Variants in CMC2 observed in about 807,000 individuals in gnomAD.
The protein encoded by CMC2 is C-X9-C motif containing 2.
A neutral mutation model predicts 7.5 loss-of-function variants in CMC2; 5 were observed. That is an observed-to-expected ratio of 0.66 (90% CI 0.35 to 1.40). The LOEUF (loss-of-function observed/expected upper bound fraction) is 1.40. CMC2 is among the 40% of genes most tolerant of loss of function. The pLI is 0.04. For synonymous variants in CMC2, 37 were observed against 31.4 expected (o/e 1.18, Z -0.60); for missense variants, 115 against 92.3 (o/e 1.25, Z -1.01).
At chr16:80,992,718 T>TG (rs374973655) in intron 2 of CMC2, among the ~76,000 whole-genome samples, 77,209 of 135,826 alleles carry the variant, frequency 0.57, 20,793 homozygotes, top group Middle Eastern at 0.73. Flanking sequence ...TTTTTTTTTT[T>TG]TTTTGTGTAA....
intron 3 of CMC2, among the ~76,000 whole-genome samples, chr16:80,980,212 G>A (rs926383218): frequency 2.0e-5 from 3 of 152,166 alleles, no homozygotes; most frequent in African/African-American, 4.8e-5. Flanking sequence ...CAGCTCACAA[G>A]TTTACTATTA....
At chr16:80,985,600 T>C (rs1289282701) in intron 2 of CMC2, among the ~76,000 whole-genome samples, 1 of 152,028 alleles carries the variant, frequency 6.6e-6, no homozygotes, top group African/African-American at 2.4e-5. Flanking sequence ...ACATAAACAA[T>C]AGCTCCCTAG....
intron 1 of CMC2, 25 bp downstream of exon 1, chr16:81,006,709 A>C (rs1168047864): frequency 5.1e-6 from 5 of 985,420 alleles, no homozygotes. Context: ...ACGCGTTCGG[A>C]ACGGCCTGGA....
chr16:80,995,426 C>T (rs558003171), intron 2 of CMC2, among the ~76,000 whole-genome samples: 5 of 152,162 alleles, frequency 3.3e-5, no homozygotes, highest in African/African-American at 1.2e-4. Context: ...GAGGCCGAGG[C>T]GGGAGGATCA....
chr16:80,972,228 T>C lies in CMC2; in HGVS notation c.*3865A>G, dbSNP rs930067688. The C allele has an allele frequency of 3.9e-5, 6 of 152,210 alleles. No individual in the cohort carries two copies. The highest frequency in any genetic ancestry group is 1.4e-4 in the African/African-American group (6 of 41,444). 9.4% of individuals were successfully genotyped at this position (152,210 alleles called of 1,614,324 possible). On this transcript the variant is annotated 3_prime_UTR_variant, in exon 4 of 4. Transcript: ENST00000219400. ...TCTCTAGAGGAGGCAGGGATGTCTA[T>C]GGATTAAGGTAGATTCTGGTATAGC... is the stretch of plus-strand genomic sequence containing the variant.
At chr16:80,993,401 C>T (rs1311475503) in intron 2 of CMC2, among the ~76,000 whole-genome samples, 1 of 152,126 alleles carries the variant, frequency 6.6e-6, no homozygotes, top group African/African-American at 2.4e-5. Flanking sequence ...CAGAGGAATT[C>T]GGGCAGGCTG....
chr16:80,979,461 G>C (rs1164602199), intron 3 of CMC2, among the ~76,000 whole-genome samples: 2 of 151,610 alleles, frequency 1.3e-5, no homozygotes, highest in African/African-American at 4.9e-5. Context: ...CAAAGCAGTG[G>C]CAAAATTTCT....
chr16:80,975,498 C>A lies in CMC2; in HGVS notation c.*595G>T, dbSNP rs1158039084. 6.7e-6 allele frequency: 1 copy of A among 149,780 alleles called. No homozygotes were observed. The allele number at this position is 149,780 out of a possible 1,614,324, so 9.3% of individuals were successfully genotyped here. On this transcript the variant is annotated 3_prime_UTR_variant, in exon 4 of 4. Transcript: ENST00000219400. Reference sequence around the variant, plus strand: ...GCATGGTAGCCTGCGCCTGTAGCCCCAGCTACTAGAGAGGCTGAGGCTGGA... The same window carrying A: ...GCATGGTAGCCTGCGCCTGTAGCCCAAGCTACTAGAGAGGCTGAGGCTGGA...
At chr16:81,005,760 G>T (rs973823115) in intron 1 of CMC2, among the ~76,000 whole-genome samples, 6 of 152,204 alleles carry the variant, frequency 3.9e-5, no homozygotes, top group African/African-American at 1.4e-4. Context: ...AGCTTTCCCT[G>T]AATAAACATT....
chr16:80,981,141 C>T (rs949859496), intron 3 of CMC2, among the ~76,000 whole-genome samples: 2 of 150,244 alleles, frequency 1.3e-5, no homozygotes, highest in Admixed American at 1.3e-4. Context: ...TTTTAGCCAT[C>T]ATATATTTTT....
In CMC2 at chr16:80,974,682, C is replaced by CT. The variant is rs1487224890; in HGVS notation, c.*1410dup. 3.3e-5 allele frequency: 5 copies of CT among 152,330 alleles called. No homozygotes were observed. The East Asian group carries it at 9.6e-4, about 29-fold the overall frequency. 9.4% of individuals were successfully genotyped at this position (152,330 alleles called of 1,614,324 possible). A position where few individuals can be genotyped will look rare whatever the true frequency, so the allele number is the denominator to read the frequency against. ...CTATGACATCTACCTAATCATGGCA[C>CT]TTTGATGATTACAGGTGACTAAAAG... On this transcript the variant is annotated 3_prime_UTR_variant, in exon 4 of 4. Transcript: ENST00000219400.
At position 80,981,330 on chromosome 16, in the gene CMC2, GTGT is replaced by G. The variant is rs1967096500; in HGVS notation, c.153+473_153+475del. ...CTAAAATCAAGTTCAGGAGATGACA[GTGT>G]TCCAAAACAAGTCAAATTAGATCCC... On this transcript the variant is annotated intron_variant, in intron 3 of 3. Transcript: ENST00000219400. Among the ~76,000 whole-genome samples, 3 of 152,300 alleles carry G rather than the reference GTGT, an allele frequency of 2.0e-5. No homozygotes were observed. In the East Asian group the frequency reaches 5.8e-4, roughly 29 times the overall value.
In CMC2 at chr16:80,991,582, A is replaced by G. The variant is rs867248468; in HGVS notation, c.81+5732T>C. Among the ~76,000 whole-genome samples, 6 of 152,162 alleles carry G rather than the reference A, an allele frequency of 3.9e-5. No individual in the cohort carries two copies. In the South Asian group the frequency reaches 8.3e-4, roughly 21 times the overall value. On this transcript the variant is annotated intron_variant, in intron 2 of 3. Coordinates refer to ENST00000219400, the MANE Select transcript of CMC2 (RefSeq NM_020188.5). The stretch of plus-strand genomic sequence containing the variant: ...CCCAGGCCCAGGAGGTTGAAGCTGC[A>G]GTAAGCCAAAATGACACTACTGCAC...
At position 80,970,200 on chromosome 16, in the gene CMC2, C is replaced by T. The variant is rs1303600885; in HGVS notation, c.*5893G>A. On this transcript the variant is annotated 3_prime_UTR_variant, in exon 4 of 4. Transcript: ENST00000219400. ...GCGGCTACAGTTGCAGGCTCTATAA[C>T]CCCACCATTTCTGCTCTGATCCATA... 6.6e-6 allele frequency: 1 copy of T among 152,136 alleles called. No individual in the cohort carries two copies. The highest frequency in any genetic ancestry group is 1.5e-5 in the Non-Finnish European group (1 of 68,028). The allele number at this position is 152,136 out of a possible 1,614,324, so 9.4% of individuals were successfully genotyped here. A position where few individuals can be genotyped will look rare whatever the true frequency, so the allele number is the denominator to read the frequency against.
chr16:81,000,158 A>G (rs1968747792), intron 1 of CMC2, among the ~76,000 whole-genome samples: 2 of 152,226 alleles, frequency 1.3e-5, no homozygotes, highest in South Asian at 2.1e-4. Flanking sequence ...TCCAGAATCT[A>G]TAAAGAAATT....
chr16:81,001,353 T>C (rs564710189), intron 1 of CMC2: 1 of 152,278 alleles, frequency 6.6e-6, no homozygotes, highest in Admixed American at 6.5e-5. Context: ...AAATTTGAAA[T>C]TATATATTTT....
intron 2 of CMC2, chr16:80,991,909 G>A: frequency 2.2e-6 from 1 of 454,554 alleles, no homozygotes; most frequent in South Asian, 1.6e-5. Flanking sequence ...GATAACAGGA[G>A]CCTAAAGAGT....
intron 2 of CMC2, chr16:80,991,941 G>C (rs572274375): frequency 2.2e-6 from 1 of 455,528 alleles, no homozygotes; most frequent in East Asian, 7.0e-5. Context: ...AGTGTAATGT[G>C]TATCCTGGAC....
intron 1 of CMC2, among the ~76,000 whole-genome samples, chr16:81,001,908 T>C (rs1968895584): frequency 6.6e-6 from 1 of 152,076 alleles, no homozygotes; most frequent in African/African-American, 2.4e-5. Context: ...CCTAGTTAAG[T>C]ATTCATTTGA....
Sources: allele counts gnomAD v4.1 joint callset (sites outside exome capture counted in the v4.1 genomes callset), GRCh38; gene constraint gnomAD v4.1.1; transcripts MANE v1.5; gene names NCBI Gene and HGNC (gene_info 2026-07-23, HGNC 2026-07-21).